The following SMC5 variants were observed in gnomAD, a reference collection of about 807,000 sequenced individuals.
SMC5 encodes the protein structural maintenance of chromosomes protein 5.
SMC5 carries 88 observed loss-of-function variants against 148.3 expected under a neutral mutation model. The observed-to-expected ratio is 0.59, with a 90% CI of 0.50 to 0.71. The LOEUF (loss-of-function observed/expected upper bound fraction) is 0.71, where lower values mean the gene tolerates loss of function less well. Among genes scored for constraint, SMC5 ranks in the 30% least tolerant of loss-of-function variants. The pLI is 0.00. For synonymous variants in SMC5, 421 were observed against 432.8 expected (o/e 0.97, Z 0.34); for missense variants, 1,142 against 1,298.9 (o/e 0.88, Z 1.86).
chr9:70,313,147 C>T (rs2035702657), intron 11 of SMC5, among the ~76,000 whole-genome samples: 1 of 152,064 alleles, frequency 6.6e-6, no homozygotes, highest in Non-Finnish European at 1.5e-5. Context: ...TTTTCCAATT[C>T]ATCTAAGTTA....
intron 10 of SMC5, 123 bp from the exon 11 acceptor site, chr9:70,305,124 C>CT (rs1252363876): frequency 7.8e-4 from 422 of 538,676 alleles, no homozygotes; most frequent in Middle Eastern, 1.5e-3. Context: ...GTACCAAGTT[C>CT]TTTTTTTTTA....
intron 15 of SMC5, among the ~76,000 whole-genome samples, chr9:70,321,863 G>A (rs2035955796): frequency 2.0e-5 from 3 of 152,170 alleles, no homozygotes; most frequent in East Asian, 1.9e-4. Flanking sequence ...CAGTTTCAAG[G>A]TTTTTTCCAT....
chr9:70,341,542 A>G (rs7047789), intron 17 of SMC5, among the ~76,000 whole-genome samples: 21,646 of 152,220 alleles, frequency 0.14, 1,782 homozygotes, highest in African/African-American at 0.22. Context: ...CAAGGAAACT[A>G]TAGTACTAAG....
rs369576333 is a variant in SMC5, at chr9:70,347,107, T to G, written c.2610T>G (p.Ala870=). ...DLPNTLDEID[A]LLTEERSRAS... ...CAAACACATTGGATGAAATTGATGC[T>G]TTATTAACTGAAGAAAGATCAAGAG... Residue 870 remains alanine (A), a synonymous_variant, in exon 20 of 25, where the codon GCT becomes GCG. Transcript: ENST00000361138. 58 of 1,613,930 alleles carry G rather than the reference T, an allele frequency of 3.6e-5. No individual in the cohort carries two copies. The highest frequency in any genetic ancestry group is 4.8e-5 in the Non-Finnish European group (57 of 1,179,994).
intron 5 of SMC5, among the ~76,000 whole-genome samples, chr9:70,280,179 T>C (rs1009540207): frequency 6.6e-6 from 1 of 152,174 alleles, no homozygotes; most frequent in African/African-American, 2.4e-5. Context: ...TAGTTTCACT[T>C]GAAACACTCA....
At chr9:70,263,312 C>T (rs970042635) in intron 1 of SMC5, among the ~76,000 whole-genome samples, 2 of 152,158 alleles carry the variant, frequency 1.3e-5, no homozygotes, top group African/African-American at 4.8e-5. Flanking sequence ...GTGGGATTAG[C>T]AAACCTGCCA....
chr9:70,309,658 G>C (rs1042089174), intron 11 of SMC5, among the ~76,000 whole-genome samples: 1 of 152,066 alleles, frequency 6.6e-6, no homozygotes, highest in Non-Finnish European at 1.5e-5. Flanking sequence ...CAGCAATTCA[G>C]TTACATCTTT....
chr9:70,325,541 T>C (rs1237828104), intron 17 of SMC5, among the ~76,000 whole-genome samples: 1 of 152,222 alleles, frequency 6.6e-6, no homozygotes, highest in Non-Finnish European at 1.5e-5. Flanking sequence ...TGGATAGTGC[T>C]GGGGTGATCT....
intron 8 of SMC5, among the ~76,000 whole-genome samples, chr9:70,287,919 A>G (rs948092038): frequency 7.9e-5 from 12 of 152,180 alleles, no homozygotes; most frequent in Admixed American, 7.2e-4. Flanking sequence ...TATGGTTCCT[A>G]TAATATACTG....
At chr9:70,297,837 A>C in intron 8 of SMC5, 129 bp from the exon 9 acceptor site, 1 of 1,042,176 alleles carries the variant, frequency 9.6e-7, no homozygotes, top group African/African-American at 1.6e-5. Context: ...TCTAATTCTC[A>C]CAGGACACCT....
At chr9:70,265,601 T>C (rs929848648) in intron 2 of SMC5, among the ~76,000 whole-genome samples, 8 of 152,202 alleles carry the variant, frequency 5.3e-5, no homozygotes. Context: ...AAACAATGTT[T>C]AGTTCTCTTT....
intron 7 of SMC5, 100 bp from the exon 8 acceptor site, chr9:70,286,100 G>T (rs2118234597): frequency 2.7e-6 from 2 of 736,716 alleles, no homozygotes; most frequent in African/African-American, 1.8e-5. Flanking sequence ...GATGTAAATT[G>T]TTGTGGGTTA....
chr9:70,281,042 T>TA, intron 6 of SMC5, 143 bp downstream of exon 6: 1 of 853,998 alleles, frequency 1.2e-6, no homozygotes, highest in Non-Finnish European at 1.8e-6. Flanking sequence ...AAAATTCATG[T>TA]CTTTTTTTTT....
intron 3 of SMC5, among the ~76,000 whole-genome samples, chr9:70,269,651 G>C (rs1416832075): frequency 6.6e-6 from 1 of 152,226 alleles, no homozygotes; most frequent in East Asian, 1.9e-4. Flanking sequence ...ATTACAATGA[G>C]AGTCTCAACA....
rs997124254 is a variant in SMC5, at chr9:70,282,438, G to A, written c.836G>A (p.Arg279His). 18 of 1,591,516 alleles carry A rather than the reference G, an allele frequency of 1.1e-5. No homozygotes were observed. The highest frequency in any genetic ancestry group is 1.4e-5 in the Non-Finnish European group (16 of 1,173,352). ...KRPWVEYENV[R>H]QEYEEVKLVR... ...ATTTGCAAGGAATATGAAAATGTTC[G>A]TCAGGAATATGAAGAAGTAAAACTA... The change falls in exon 7 of 25, where the codon CGT becomes CAT. Residue 279 changes from arginine to histidine, a missense_variant. By Grantham distance (29) the Arg-to-His change is conservative. Around this residue, in one of 5 missense-constraint regions of SMC5, gnomAD observed 743 missense variants for 835.7 expected, o/e 0.89. Coordinates refer to ENST00000361138, the MANE Select transcript of SMC5 (RefSeq NM_015110.4).
At chr9:70,347,207 C>A in intron 20 of SMC5, 46 bp downstream of exon 20, 1 of 1,489,776 alleles carries the variant, frequency 6.7e-7, no homozygotes, top group Non-Finnish European at 9.4e-7. Flanking sequence ...CCACCACCAC[C>A]ACCCTCCCCA....
intron 17 of SMC5, among the ~76,000 whole-genome samples, chr9:70,342,997 A>G (rs773423603): frequency 3.9e-5 from 6 of 152,236 alleles, no homozygotes; most frequent in African/African-American, 4.8e-5. Context: ...GACCTTCCCT[A>G]CATACATACT....
intron 3 of SMC5, among the ~76,000 whole-genome samples, chr9:70,273,658 C>T (rs2034510555): frequency 6.6e-6 from 1 of 152,044 alleles, no homozygotes; most frequent in African/African-American, 2.4e-5. Context: ...ATAGTATTTA[C>T]TGTTTTTCAG....
chr9:70,322,112 G>A, intron 15 of SMC5, among the ~76,000 whole-genome samples: 1 of 152,094 alleles, frequency 6.6e-6, no homozygotes, highest in Non-Finnish European at 1.5e-5. Flanking sequence ...TTTTTTTAAA[G>A]CAAACAATTG....
Sources: allele counts gnomAD v4.1 joint callset (sites outside exome capture counted in the v4.1 genomes callset), GRCh38; gene constraint gnomAD v4.1.1; regional missense constraint gnomAD v4.1.1; transcripts MANE v1.5; gene names NCBI Gene and HGNC (gene_info 2026-07-23, HGNC 2026-07-21).